The following MTHFD1L variants were observed in gnomAD, a reference collection of about 807,000 sequenced individuals.
MTHFD1L encodes monofunctional C1-tetrahydrofolate synthase, mitochondrial.
Under a neutral mutation model 119.5 loss-of-function variants are expected in MTHFD1L, and 81 were observed. The observed-to-expected ratio is 0.68, with a 90% CI of 0.57 to 0.82. The LOEUF is 0.82. MTHFD1L is among the 40% of genes least tolerant of loss of function. The probability of loss-of-function intolerance (pLI) is 0.00; values close to 1 mark genes in which losing one functional copy is unlikely to be tolerated. For missense variants in MTHFD1L, 1,125 were observed against 1,253.4 expected, an observed-to-expected ratio of 0.90 and a Z score of 1.55; for synonymous variants, 430 against 475.2, an observed-to-expected ratio of 0.90 and a Z score of 1.24.
chr6:151,078,571 T>C (rs72992034), intron 26 of MTHFD1L, among the ~76,000 whole-genome samples: 1 of 152,256 alleles, frequency 6.6e-6, no homozygotes, highest in Non-Finnish European at 1.5e-5. Context: ...CAGAATTCCA[T>C]TCCTTGAAGT....
intron 27 of MTHFD1L, among the ~76,000 whole-genome samples, chr6:151,096,244 A>G (rs748998554): frequency 1.3e-5 from 2 of 152,208 alleles, no homozygotes; most frequent in Non-Finnish European, 2.9e-5. Context: ...TAGTCCAAGT[A>G]TAATAGAGCC....
At chr6:150,950,044 C>T (rs1453719841) in intron 16 of MTHFD1L, among the ~76,000 whole-genome samples, 1 of 147,868 alleles carries the variant, frequency 6.8e-6, no homozygotes, top group Non-Finnish European at 1.5e-5. Flanking sequence ...ACATATTTAT[C>T]AGATGCGCAT....
At chr6:150,980,170 T>G (rs187069193) in intron 20 of MTHFD1L, among the ~76,000 whole-genome samples, 35 of 152,322 alleles carry the variant, frequency 2.3e-4, no homozygotes, top group South Asian at 8.3e-4. Flanking sequence ...AGTGCTGGCT[T>G]ATTAGAGACT....
At chr6:150,901,142 T>A (rs141926705) in intron 7 of MTHFD1L, among the ~76,000 whole-genome samples, 1 of 152,202 alleles carries the variant, frequency 6.6e-6, no homozygotes, top group African/African-American at 2.4e-5. Context: ...AGGAGTCCCC[T>A]TACTACCTAA....
chr6:151,037,042 A>G lies in MTHFD1L; in HGVS notation c.2772A>G (p.Pro924=). 5.0e-6 allele frequency: 8 copies of G among 1,612,032 alleles called. No individual in the cohort carries two copies. The highest frequency in any genetic ancestry group is 6.8e-6 in the Non-Finnish European group (8 of 1,179,850). Residue 924 remains proline (P), a synonymous_variant, in exon 26 of 28, where the codon CCA becomes CCG. Transcript: ENST00000367321. ...LSHQPDKKGV[P]RDFILPISDV... ...ACCAACCTGACAAAAAAGGTGTGCC[A>G]AGGGACTTCATCTTACCTATCAGTG...
rs1562353185 is a variant in MTHFD1L, at chr6:150,905,718, AC to A, written c.851del (p.Pro284GlnfsTer35). 1 of 1,614,146 alleles carries A rather than the reference AC, an allele frequency of 6.2e-7. No individual in the cohort carries two copies. The highest frequency in any genetic ancestry group is 1.1e-5 in the South Asian group (1 of 91,086). On this transcript the variant is annotated frameshift_variant, in exon 8 of 28. Transcript: ENST00000367321. LOFTEE classifies it high-confidence loss of function. ...AAGAGATTCCCCTTACTTGGATACA[AC>A]CAGGAACTACTGTTCTCAACTGCTC... is the stretch of plus-strand genomic sequence containing the variant. ...PEEIPLTWIQ[P>X]GTTVLNCSHD...
chr6:150,866,186 C>T (rs1286825958), intron 1 of MTHFD1L, 137 bp downstream of exon 1: 26 of 1,353,964 alleles, frequency 1.9e-5, no homozygotes, highest in Non-Finnish European at 2.5e-5. Flanking sequence ...GGGGGCCGGG[C>T]GGTGTGTCGG....
At chr6:150,915,177 C>T (rs1329115547) in intron 8 of MTHFD1L, among the ~76,000 whole-genome samples, 1 of 152,262 alleles carries the variant, frequency 6.6e-6, no homozygotes, top group South Asian at 2.1e-4. Context: ...GCCTGTGGGC[C>T]GCATGTAGCC....
At chr6:150,930,899 C>G (rs1790926578) in intron 11 of MTHFD1L, among the ~76,000 whole-genome samples, 1 of 152,178 alleles carries the variant, frequency 6.6e-6, no homozygotes, top group Admixed American at 6.5e-5. Flanking sequence ...GAATCATCTG[C>G]ATTTCATCAA....
chr6:150,882,318 G>T (rs1583352192), intron 4 of MTHFD1L, among the ~76,000 whole-genome samples: 1 of 152,344 alleles, frequency 6.6e-6, no homozygotes, highest in Admixed American at 6.5e-5. Context: ...CATTGTGTTT[G>T]AAACGCACAG....
intron 20 of MTHFD1L, among the ~76,000 whole-genome samples, chr6:150,972,762 T>C (rs1003663112): frequency 6.6e-6 from 1 of 152,246 alleles, no homozygotes; most frequent in Non-Finnish European, 1.5e-5. Flanking sequence ...CGTGGGTTTA[T>C]TTCCATGTAC....
intron 24 of MTHFD1L, among the ~76,000 whole-genome samples, chr6:151,022,789 T>C (rs1370230900): frequency 1.3e-5 from 2 of 152,220 alleles, no homozygotes; most frequent in Admixed American, 1.3e-4. Context: ...TGTGGAAAGC[T>C]GGTCCTTACA....
At chr6:150,897,296 T>G (rs1035299429) in intron 7 of MTHFD1L, among the ~76,000 whole-genome samples, 1 of 152,214 alleles carries the variant, frequency 6.6e-6, no homozygotes, top group Non-Finnish European at 1.5e-5. Context: ...ATTACCTCCC[T>G]TTTATGATGC....
chr6:151,031,941 G>A (rs1455041432), intron 24 of MTHFD1L, among the ~76,000 whole-genome samples: 1 of 152,122 alleles, frequency 6.6e-6, no homozygotes, highest in Admixed American at 6.5e-5. Flanking sequence ...CTGTTGATTT[G>A]TGTCACCTCT....
At position 151,009,961 on chromosome 6, in the gene MTHFD1L, A is replaced by G. The variant is rs1302848906; in HGVS notation, c.2265+3A>G. ...AGATGCATGGAGGCGGGCCAAGTGT[A>G]AGTGCCCACACCGCCTTCCTAATAC... On this transcript the variant is annotated splice_donor_region_variant and intron_variant, in intron 21 of 27. Transcript: ENST00000367321. 6.3e-7 allele frequency: 1 copy of G among 1,597,244 alleles called. No homozygotes were observed. Among genetic ancestry groups the G allele is most frequent in the Non-Finnish European group, 8.5e-7 (1 of 1,174,054 alleles).
chr6:150,954,299 T>C (rs529079291), intron 16 of MTHFD1L, among the ~76,000 whole-genome samples: 47 of 152,326 alleles, frequency 3.1e-4, no homozygotes, highest in African/African-American at 1.1e-3. Context: ...ACAAAGTCAG[T>C]GTACTGGCTT....
chr6:151,067,762 C>T (rs10457869), intron 26 of MTHFD1L, among the ~76,000 whole-genome samples: 43,467 of 152,126 alleles, frequency 0.29, 7,235 homozygotes, highest in South Asian at 0.36. Flanking sequence ...GTGAAATTTC[C>T]CCACCCCAGT....
At chr6:151,068,976 T>C (rs1029675512) in intron 26 of MTHFD1L, among the ~76,000 whole-genome samples, 6 of 152,188 alleles carry the variant, frequency 3.9e-5, no homozygotes, top group Non-Finnish European at 5.9e-5. Context: ...TAGTGCCAGT[T>C]TGCCCAGTTT....
At chr6:151,086,427 G>C (rs1225851231) in intron 26 of MTHFD1L, among the ~76,000 whole-genome samples, 15 of 152,084 alleles carry the variant, frequency 9.9e-5, no homozygotes, top group Admixed American at 9.2e-4. Context: ...CACATCCAAA[G>C]AAAAGGGAAG....
Sources: gnomAD v4.1 joint callset for allele counts (sites outside exome capture counted in the v4.1 genomes callset) on GRCh38, gnomAD v4.1.1 for gene constraint, MANE v1.5 for transcripts, NCBI Gene and HGNC (gene_info 2026-07-23, HGNC 2026-07-21) for gene names.